Variants in RAP1GAP observed in about 807,000 individuals in gnomAD.
RAP1GAP encodes rap1 GTPase-activating protein 1.
Under a neutral mutation model 87.2 loss-of-function variants are expected in RAP1GAP, and 35 were observed. That is an observed-to-expected ratio of 0.40 (90% CI 0.31 to 0.53). RAP1GAP has a LOEUF of 0.53. Among genes scored for constraint, RAP1GAP ranks in the 20% least tolerant of loss-of-function variants. The pLI, the probability that RAP1GAP is intolerant of heterozygous loss-of-function variation, is 0.48. For missense variants in RAP1GAP, 734 were observed against 898.9 expected, an observed-to-expected ratio of 0.82 and a Z score of 2.35; for synonymous variants, 375 against 363.9, an observed-to-expected ratio of 1.03 and a Z score of -0.35.
At chr1:21,612,998 A>G in intron 10 of RAP1GAP, 178 bp downstream of exon 10, 1 of 680,286 alleles carries the variant, frequency 1.5e-6, no homozygotes, top group Non-Finnish European at 2.6e-6. Flanking sequence ...ACCCTGGGGG[A>G]AGGCACAGGC....
intron 2 of RAP1GAP, among the ~76,000 whole-genome samples, chr1:21,647,126 C>G (rs1249232341): frequency 6.6e-6 from 1 of 152,136 alleles, no homozygotes. Flanking sequence ...GGTAGTTGCA[C>G]AAGACCATGT....
In RAP1GAP at chr1:21,626,355, G is replaced by C; in HGVS notation, c.-70C>G. ...AGGGAACTAAGTTCACTCGTGACAG[G>C]TCTAGTGCCTGAGGGAAGTGCTGGT... On this transcript the variant is annotated 5_prime_UTR_variant, in exon 3 of 25. Transcript: ENST00000374765. The C allele has an allele frequency of 6.2e-7, 1 of 1,613,342 alleles. No individual in the cohort carries two copies. Among genetic ancestry groups the C allele is most frequent in the Non-Finnish European group, 8.5e-7 (1 of 1,179,394 alleles).
intron 2 of RAP1GAP, among the ~76,000 whole-genome samples, chr1:21,636,835 G>A (rs989650321): frequency 1.3e-5 from 2 of 148,810 alleles, no homozygotes; most frequent in Non-Finnish European, 3.0e-5. Flanking sequence ...GAGAGAGAAA[G>A]GAAGAAGAAG....
rs574226350 is a variant in RAP1GAP at position 21,631,848 on chromosome 1, T to C, written c.-112-5451A>G. ...GATGTGACTCCAGTCCAGTGTCCCTTCCACAGCGTGCATCCCACTGTCCTC... is the reference window on the plus strand; with the variant it reads ...GATGTGACTCCAGTCCAGTGTCCCTCCCACAGCGTGCATCCCACTGTCCTC... On this transcript the variant is annotated intron_variant, in intron 2 of 24. Transcript: ENST00000374765. Among the ~76,000 whole-genome samples the C allele has an allele frequency of 2.5e-3, 376 of 152,242 alleles. 3 individuals carry two copies. Among genetic ancestry groups the C allele is most frequent in the African/African-American group, 8.6e-3 (356 of 41,544 alleles).
chr1:21,633,381 C>T (rs2094137321), intron 2 of RAP1GAP, among the ~76,000 whole-genome samples: 1 of 152,214 alleles, frequency 6.6e-6, no homozygotes, highest in Non-Finnish European at 1.5e-5. Flanking sequence ...ACACTGTTCA[C>T]AGGCACCCCC....
rs1038152699 is a variant in RAP1GAP at position 21,622,601 on chromosome 1, G to T, written c.-18-2551C>A. On this transcript the variant is annotated intron_variant, in intron 3 of 24. Coordinates refer to ENST00000374765, the MANE Select transcript of RAP1GAP (RefSeq NM_002885.4). This position sits in a 1 kb window ranked among gnomAD's most constrained non-coding sequence, Gnocchi z 5.7. Reference sequence around the variant, plus strand: ...CCGGAGGGGGCGGGGCGCCAGGTACGGGCGGCACGGCGCGGGGCGGGGCGG... The same window carrying T: ...CCGGAGGGGGCGGGGCGCCAGGTACTGGCGGCACGGCGCGGGGCGGGGCGG... 4.8e-5 allele frequency: 7 copies of T among 146,526 alleles called. No individual in the cohort carries two copies. Among genetic ancestry groups the T allele is most frequent in the South Asian group, 2.1e-4 (1 of 4,868 alleles). The allele number at this position is 146,526 out of a possible 1,614,324, so 9.1% of individuals were successfully genotyped here. A position where few individuals can be genotyped will look rare whatever the true frequency, so the allele number is the denominator to read the frequency against.
At chr1:21,642,914 ACT>A (rs1246820716) in intron 2 of RAP1GAP, among the ~76,000 whole-genome samples, 17 of 149,244 alleles carry the variant, frequency 1.1e-4, no homozygotes, top group African/African-American at 2.3e-4. Flanking sequence ...ACACACACAC[ACT>A]GCCACTTGGC....
At chr1:21,635,883 C>T (rs1285193871) in intron 2 of RAP1GAP, among the ~76,000 whole-genome samples, 1 of 152,208 alleles carries the variant, frequency 6.6e-6, no homozygotes, top group Non-Finnish European at 1.5e-5. Context: ...GGTCTCAGGC[C>T]GGCTCTCTCA....
intron 5 of RAP1GAP, 143 bp from the exon 6 acceptor site, chr1:21,618,115 G>T: frequency 1.0e-6 from 1 of 983,208 alleles, no homozygotes; most frequent in Non-Finnish European, 1.6e-6. Context: ...GGCAGGGGCT[G>T]AGGCAGGCTT....
intron 3 of RAP1GAP, 71 bp downstream of exon 3, chr1:21,626,233 T>C: frequency 7.3e-7 from 1 of 1,361,438 alleles, no homozygotes; most frequent in South Asian, 1.2e-5. Context: ...TCTTGGGCCT[T>C]TCCCAGCCCT....
At chr1:21,667,284 G>C (rs2097395795) in intron 1 of RAP1GAP, among the ~76,000 whole-genome samples, 1 of 152,198 alleles carries the variant, frequency 6.6e-6, no homozygotes, top group Non-Finnish European at 1.5e-5. Flanking sequence ...GGGAGCCTGA[G>C]GCCTAAGTGG....
intron 7 of RAP1GAP, 150 bp from the exon 8 acceptor site, chr1:21,614,239 T>C: frequency 3.4e-6 from 2 of 592,548 alleles, no homozygotes; most frequent in Non-Finnish European, 3.0e-6. Flanking sequence ...CAGACAGACC[T>C]GCACTCAAAG....
chr1:21,603,999 G>A lies in RAP1GAP; in HGVS notation c.1429-1086C>T, dbSNP rs909394168. 6 of 1,036,178 alleles carry A rather than the reference G, an allele frequency of 5.8e-6. No homozygotes were observed. Among genetic ancestry groups the A allele is most frequent in the African/African-American group, 1.6e-5 (1 of 61,652 alleles). 64.2% of individuals were successfully genotyped at this position (1,036,178 alleles called of 1,614,324 possible). ...AGAGATGGTGGGAGGGAGACACAGA[G>A]AGGAGGAGAGGCAGGGAAAGGAGGA... On this transcript the variant is annotated intron_variant, in intron 18 of 24. Coordinates refer to ENST00000374765, the MANE Select transcript of RAP1GAP (RefSeq NM_002885.4). The surrounding 1 kb of genome is among the most constrained non-coding windows in gnomAD (Gnocchi z 6.0).
chr1:21,631,865 A>C (rs2093808554), intron 2 of RAP1GAP, among the ~76,000 whole-genome samples: 1 of 152,060 alleles, frequency 6.6e-6, no homozygotes, highest in Non-Finnish European at 1.5e-5. Context: ...CGTGCATCCC[A>C]CTGTCCTCAG....
At position 21,609,538 on chromosome 1, in the gene RAP1GAP, G is replaced by C. The variant is rs186272327; in HGVS notation, c.1071+37C>G. The C allele has an allele frequency of 4.2e-4, 545 of 1,294,538 alleles. 3 individuals are homozygous for C. The African/African-American group carries it at 7.2e-3, about 17-fold the overall frequency. The allele number at this position is 1,294,538 out of a possible 1,614,324, so 80.2% of individuals were successfully genotyped here. ...GCACCCCCCAGGCCCCCACCCATTT[G>C]TCCTGCTCTGCCCATGACTGGGGGG... On this transcript the variant is annotated intron_variant, in intron 15 of 24. Transcript: ENST00000374765. The surrounding 1 kb of genome is among the most constrained non-coding windows in gnomAD (Gnocchi z 4.4).
chr1:21,641,542 C>T (rs1321115819), intron 2 of RAP1GAP, among the ~76,000 whole-genome samples: 2 of 152,212 alleles, frequency 1.3e-5, no homozygotes, highest in Non-Finnish European at 2.9e-5. Context: ...TGGAGGATAA[C>T]ATGCGTGAAG....
Position 21,669,005 on chromosome 1 carries a change from C to G in RAP1GAP, c.-149+249G>C, listed in dbSNP as rs1163356819. Among the ~76,000 whole-genome samples, 1 of 151,766 alleles carries G rather than the reference C, an allele frequency of 6.6e-6. No individual in the cohort carries two copies. The highest frequency in any genetic ancestry group is 1.5e-5 in the Non-Finnish European group (1 of 67,818). On this transcript the variant is annotated intron_variant, in intron 1 of 24. Coordinates refer to ENST00000374765, the MANE Select transcript of RAP1GAP (RefSeq NM_002885.4). This position sits in a 1 kb window ranked among gnomAD's most constrained non-coding sequence, Gnocchi z 5.6. The stretch of plus-strand genomic sequence containing the variant: ...CCCCTGGCCGCGGCCTGGACCAAGT[C>G]CAACAGGCTGGGGGTTCAGCCGGCT...
At chr1:21,650,769 C>T (rs934166013) in intron 1 of RAP1GAP, among the ~76,000 whole-genome samples, 10 of 152,192 alleles carry the variant, frequency 6.6e-5, no homozygotes, top group Non-Finnish European at 1.5e-4. Flanking sequence ...GCCCAGGCTC[C>T]TCTCATCACC....
At chr1:21,649,116 A>T (rs952976842) in intron 2 of RAP1GAP, among the ~76,000 whole-genome samples, 1 of 152,204 alleles carries the variant, frequency 6.6e-6, no homozygotes, top group South Asian at 2.1e-4. Flanking sequence ...CTGCTGGGGC[A>T]TCAGGGTGCC....
Sources: gnomAD v4.1 joint callset for allele counts (sites outside exome capture counted in the v4.1 genomes callset) on GRCh38, gnomAD v4.1.1 for gene constraint, Gnocchi (gnomAD v3.1) non-coding constraint, MANE v1.5 for transcripts, NCBI Gene and HGNC (gene_info 2026-07-23, HGNC 2026-07-21) for gene names.